Variants in PRKG1 observed in about 807,000 individuals in gnomAD.
The protein encoded by PRKG1 is cGMP-dependent protein kinase 1.
In PRKG1, 35 loss-of-function variants were observed where a neutral mutation model predicts 88.1. That is an observed-to-expected ratio of 0.40 (90% CI 0.30 to 0.53). PRKG1 has a LOEUF of 0.53. Ranked by LOEUF, PRKG1 falls within the 20% of genes least tolerant of loss-of-function variation. The pLI, the probability that PRKG1 is intolerant of heterozygous loss-of-function variation, is 0.59. For missense variants in PRKG1, 540 were observed against 839.8 expected, an observed-to-expected ratio of 0.64 and a Z score of 4.41; for synonymous variants, 303 against 292.5, an observed-to-expected ratio of 1.04 and a Z score of -0.37.
intron 5 of PRKG1, among the ~76,000 whole-genome samples, chr10:51,950,640 A>G (rs1843159717): frequency 6.6e-6 from 1 of 152,256 alleles, no homozygotes; most frequent in Non-Finnish European, 1.5e-5. Flanking sequence ...AATGACCCTG[A>G]AGCCCCAGAG....
At chr10:52,030,940 A>G (rs1371807030) in intron 5 of PRKG1, among the ~76,000 whole-genome samples, 1 of 152,202 alleles carries the variant, frequency 6.6e-6, no homozygotes, top group Non-Finnish European at 1.5e-5. Flanking sequence ...GTATTTTATT[A>G]CATTATAATA....
Position 51,702,543 on chromosome 10 carries a change from A to C in PRKG1, c.593-102042A>C, listed in dbSNP as rs981112950. ...TGGCATACACTCTGAAGAAAAGTGTACATGGTATAGTGTATGTCCAGACGT... is the reference window on the plus strand; with the variant it reads ...TGGCATACACTCTGAAGAAAAGTGTCCATGGTATAGTGTATGTCCAGACGT... On this transcript the variant is annotated intron_variant, in intron 3 of 17. Coordinates refer to ENST00000373980, the MANE Select transcript of PRKG1 (RefSeq NM_006258.4). Among the ~76,000 whole-genome samples, 16 of 152,354 alleles carry C rather than the reference A, an allele frequency of 1.1e-4. No homozygotes were observed. The East Asian group carries it at 2.7e-3, about 26-fold the overall frequency.
chr10:52,169,470 G>A (rs1385738720), intron 9 of PRKG1, among the ~76,000 whole-genome samples: 2 of 152,064 alleles, frequency 1.3e-5, no homozygotes, highest in Non-Finnish European at 2.9e-5. Context: ...TTGCCCTCAT[G>A]ACCCAATAAC....
chr10:52,171,940 CT>C (rs1490170310), intron 9 of PRKG1, among the ~76,000 whole-genome samples: 2 of 150,486 alleles, frequency 1.3e-5, no homozygotes, highest in Middle Eastern at 3.4e-3. Flanking sequence ...GTAGCTGGGA[CT>C]ACAGGCGCCC....
At chr10:51,982,085 C>G (rs1453773915) in intron 5 of PRKG1, among the ~76,000 whole-genome samples, 2 of 151,984 alleles carry the variant, frequency 1.3e-5, no homozygotes, top group African/African-American at 4.8e-5. Context: ...GAGATTTTTT[C>G]CTCAGCTTGG....
At chr10:51,518,060 G>T (rs556154567) in intron 3 of PRKG1, among the ~76,000 whole-genome samples, 1 of 152,084 alleles carries the variant, frequency 6.6e-6, no homozygotes, top group African/African-American at 2.4e-5. Flanking sequence ...ATGCAGTGGC[G>T]CCATCTTGGC....
At chr10:51,135,542 G>C (rs1845666214) in intron 1 of PRKG1, among the ~76,000 whole-genome samples, 1 of 152,116 alleles carries the variant, frequency 6.6e-6, no homozygotes, top group Admixed American at 6.6e-5. Context: ...TTTTGAAATA[G>C]TTGAATACTC....
intron 3 of PRKG1, among the ~76,000 whole-genome samples, chr10:51,714,032 T>TG (rs1382028350): frequency 6.6e-6 from 1 of 152,220 alleles, no homozygotes; most frequent in Non-Finnish European, 1.5e-5. Context: ...CAGACTGGAG[T>TG]GCAGTGGCAT....
intron 9 of PRKG1, among the ~76,000 whole-genome samples, chr10:52,225,775 T>G (rs1840373650): frequency 6.6e-6 from 1 of 152,194 alleles, no homozygotes; most frequent in Admixed American, 6.5e-5. Flanking sequence ...TTTGTTTGCT[T>G]TCTTGAAGAT....
At chr10:51,525,462 G>A (rs1841856132) in intron 3 of PRKG1, among the ~76,000 whole-genome samples, 1 of 152,198 alleles carries the variant, frequency 6.6e-6, no homozygotes, top group African/African-American at 2.4e-5. Flanking sequence ...ACTTTGGGAG[G>A]TCGAGGCAGG....
chr10:52,208,144 A>G (rs964353453), intron 9 of PRKG1, among the ~76,000 whole-genome samples: 2 of 152,090 alleles, frequency 1.3e-5, no homozygotes, highest in Admixed American at 1.3e-4. Context: ...CCCTAAGCAC[A>G]CTGTCTTGTG....
intron 2 of PRKG1, among the ~76,000 whole-genome samples, chr10:51,183,425 A>C (rs1837403365): frequency 1.3e-5 from 2 of 152,190 alleles, no homozygotes; most frequent in South Asian, 4.1e-4. Context: ...AGCTCACCTT[A>C]AGCATTCTTC....
intron 9 of PRKG1, among the ~76,000 whole-genome samples, chr10:52,197,364 T>C (rs1220118020): frequency 6.6e-6 from 1 of 152,196 alleles, no homozygotes; most frequent in Non-Finnish European, 1.5e-5. Flanking sequence ...TACCAAGTGA[T>C]TCTACTGCTT....
chr10:52,002,393 C>T (rs1371476359), intron 5 of PRKG1, among the ~76,000 whole-genome samples: 1 of 152,078 alleles, frequency 6.6e-6, no homozygotes, highest in Non-Finnish European at 1.5e-5. Context: ...ATGCTTTCTT[C>T]TTACTATTTT....
chr10:51,273,187 C>A (rs1564664817), intron 2 of PRKG1, among the ~76,000 whole-genome samples: 3 of 152,052 alleles, frequency 2.0e-5, no homozygotes, highest in Non-Finnish European at 4.4e-5. Context: ...TTTCTTCCTG[C>A]AGAACAGCCA....
chr10:51,311,763 T>A (rs774969344), intron 2 of PRKG1, among the ~76,000 whole-genome samples: 11 of 152,224 alleles, frequency 7.2e-5, no homozygotes, highest in African/African-American at 1.2e-4. Flanking sequence ...AAGATGATCA[T>A]CTTCCCGTAG....
At chr10:51,722,662 C>G (rs1048513763) in intron 3 of PRKG1, among the ~76,000 whole-genome samples, 2 of 152,102 alleles carry the variant, frequency 1.3e-5, no homozygotes, top group African/African-American at 4.8e-5. Context: ...ATCTCTGGCT[C>G]TAAGGCATCT....
At chr10:51,288,991 G>T (rs540375386) in intron 2 of PRKG1, among the ~76,000 whole-genome samples, 19 of 152,150 alleles carry the variant, frequency 1.2e-4, no homozygotes, top group African/African-American at 4.6e-4. Flanking sequence ...AGATTTGCAT[G>T]TTTAATTAGA....
At chr10:51,536,766 C>T (rs1229570186) in intron 3 of PRKG1, among the ~76,000 whole-genome samples, 2 of 151,432 alleles carry the variant, frequency 1.3e-5, no homozygotes, top group Non-Finnish European at 2.9e-5. Context: ...CGTCATTTAG[C>T]ATTAGGTATA....
Sources: allele counts gnomAD v4.1 joint callset (sites outside exome capture counted in the v4.1 genomes callset), GRCh38; gene constraint gnomAD v4.1.1; transcripts MANE v1.5; gene names NCBI Gene and HGNC (gene_info 2026-07-23, HGNC 2026-07-21).